Variants in CEP63 observed in about 807,000 individuals in gnomAD.
The protein encoded by CEP63 is centrosomal protein of 63 kDa.
Under a neutral mutation model 89.1 loss-of-function variants are expected in CEP63, and 84 were observed. That is an observed-to-expected ratio of 0.94 (90% CI 0.79 to 1.13). The LOEUF (loss-of-function observed/expected upper bound fraction) is 1.13. Among genes scored for constraint, CEP63 ranks in the 50% most tolerant of loss-of-function variants. CEP63 has a pLI of 0.00. For missense variants in CEP63, 838 were observed against 813.3 expected (o/e 1.03, Z -0.37); for synonymous variants, 267 against 272.5 (o/e 0.98, Z 0.20).
the CEP63 span, chr3:134,615,472 T>G: frequency 6.6e-6 from 1 of 151,788 alleles, no homozygotes; most frequent in South Asian, 2.1e-4. Flanking sequence ...TCTTTTTATT[T>G]TATTTTATTT....
the CEP63 span, among the ~76,000 whole-genome samples, chr3:134,693,198 T>C: frequency 4.6e-5 from 7 of 152,324 alleles, no homozygotes; most frequent in African/African-American, 1.7e-4. Context: ...GTGGGGCTCC[T>C]AGGGAAGCTC....
the CEP63 span, among the ~76,000 whole-genome samples, chr3:134,745,550 A>G: frequency 6.6e-6 from 1 of 152,156 alleles, no homozygotes; most frequent in African/African-American, 2.4e-5. Context: ...TATTATTATT[A>G]TACTTTAAGT....
intron 11 of CEP63, among the ~76,000 whole-genome samples, chr3:134,570,730 C>A (rs990552898): frequency 2.0e-5 from 3 of 152,164 alleles, no homozygotes; most frequent in Non-Finnish European, 4.4e-5. Context: ...TCAGCAACAC[C>A]CCACTCTACT....
chr3:134,675,239 A>G, the CEP63 span, among the ~76,000 whole-genome samples: 1 of 152,372 alleles, frequency 6.6e-6, no homozygotes, highest in South Asian at 2.1e-4. Context: ...CCATACATCT[A>G]TGGTCAATTG....
At chr3:134,669,170 C>A in the CEP63 span, among the ~76,000 whole-genome samples, 1 of 152,024 alleles carries the variant, frequency 6.6e-6, no homozygotes, top group African/African-American at 2.4e-5. Flanking sequence ...GGACTGCAGG[C>A]ATGTGCCCCT....
chr3:134,736,949 G>T, the CEP63 span, among the ~76,000 whole-genome samples: 1 of 152,106 alleles, frequency 6.6e-6, no homozygotes, highest in African/African-American at 2.4e-5. Context: ...ATTTGTTCTT[G>T]GTGTGGGGCA....
chr3:134,728,366 A>C, the CEP63 span, among the ~76,000 whole-genome samples: 2 of 152,200 alleles, frequency 1.3e-5, no homozygotes, highest in African/African-American at 4.8e-5. Flanking sequence ...AATTTCACCT[A>C]TGGAAACAAG....
chr3:134,665,694 CACACACACAG>C, the CEP63 span, among the ~76,000 whole-genome samples: 10 of 82,366 alleles, frequency 1.2e-4, no homozygotes, highest in African/African-American at 3.3e-4. Context: ...CACACACACA[CACACACACAG>C]AGAGAGAGAG....
In CEP63 at chr3:134,562,083, A is replaced by C; in HGVS notation, c.*548A>C. On this transcript the variant is annotated 3_prime_UTR_variant, in exon 15 of 15. Coordinates refer to ENST00000675561, the MANE Select transcript of CEP63 (RefSeq NM_001353108.3). The stretch of plus-strand genomic sequence containing the variant: ...GAATAAGGGGGGGGTGTGCTAAAGA[A>C]CCTTATCAAGCAGTCCTCTCTTGCT... 1 of 993,774 alleles carries C rather than the reference A, an allele frequency of 1.0e-6. No individual in the cohort carries two copies. Among genetic ancestry groups the C allele is most frequent in the Non-Finnish European group, 1.2e-6 (1 of 835,080 alleles). The allele number at this position is 993,774 out of a possible 1,614,324, so 61.6% of individuals were successfully genotyped here.
At chr3:134,666,677 G>C in the CEP63 span, among the ~76,000 whole-genome samples, 1 of 152,166 alleles carries the variant, frequency 6.6e-6, no homozygotes, top group Non-Finnish European at 1.5e-5. Context: ...CGGAGGTCAT[G>C]ACTCAGTCCC....
At chr3:134,619,091 TGGAAGA>T in the CEP63 span, 2 of 1,400,942 alleles carry the variant, frequency 1.4e-6, no homozygotes, top group South Asian at 2.3e-5. Flanking sequence ...CATGGCACTG[TGGAAGA>T]GGGAGAGGGA....
At chr3:134,575,245 TCCTTCCTTCCTTCCTTGCTTCCC>T, downstream of CEP63, among the ~76,000 whole-genome samples, 1 of 106,820 alleles carries the variant, frequency 9.4e-6, no homozygotes, top group East Asian at 3.5e-4. Context: ...CTTCCTTCCT[TCCTTCCTTCCTTCCTTGCTTCCC>T]TCTTTCCCCC....
At chr3:134,538,521 TTGTG>T (rs111236103) in intron 6 of CEP63, among the ~76,000 whole-genome samples, 2 of 112,904 alleles carry the variant, frequency 1.8e-5, no homozygotes, top group Non-Finnish European at 3.8e-5. Context: ...TAATAAGAAA[TTGTG>T]TGTGTGTGTA....
chr3:134,757,963 G>A, the CEP63 span, among the ~76,000 whole-genome samples: 34 of 152,244 alleles, frequency 2.2e-4, no homozygotes, highest in South Asian at 2.1e-4. Context: ...ATGATCTAGT[G>A]GGGAATACAG....
chr3:134,679,528 C>T, the CEP63 span, among the ~76,000 whole-genome samples: 1 of 152,158 alleles, frequency 6.6e-6, no homozygotes, highest in Non-Finnish European at 1.5e-5. Context: ...CTTACTTCAC[C>T]AAGTTAATTA....
At chr3:134,547,916 C>G (rs139475869) in intron 9 of CEP63, among the ~76,000 whole-genome samples, 1,862 of 152,176 alleles carry the variant, frequency 0.012, 15 homozygotes, top group Middle Eastern at 0.027. Flanking sequence ...GCCCTAAGTT[C>G]TTATTTCATT....
At chr3:134,490,816 T>A (rs1937363052) in intron 1 of CEP63, among the ~76,000 whole-genome samples, 2 of 152,320 alleles carry the variant, frequency 1.3e-5, no homozygotes, top group East Asian at 3.9e-4. Context: ...CCTTTCTTTC[T>A]TAGGTAAAAT....
chr3:134,764,493 C>T, the CEP63 span, among the ~76,000 whole-genome samples: 9 of 152,110 alleles, frequency 5.9e-5, no homozygotes, highest in African/African-American at 1.9e-4. Context: ...CACCTGTATC[C>T]ACTCGGTCAT....
chr3:134,724,580 G>A, the CEP63 span, among the ~76,000 whole-genome samples: 3 of 152,206 alleles, frequency 2.0e-5, no homozygotes, highest in Non-Finnish European at 2.9e-5. Context: ...TACAGAACCT[G>A]CAGCGTTCTG....
Sources: gnomAD v4.1 joint callset for allele counts (sites outside exome capture counted in the v4.1 genomes callset) on GRCh38, gnomAD v4.1.1 for gene constraint, MANE v1.5 for transcripts, NCBI Gene and HGNC (gene_info 2026-07-23, HGNC 2026-07-21) for gene names.